The following UNC80 variants were observed in gnomAD, a reference collection of about 807,000 sequenced individuals.
The protein encoded by UNC80 is protein unc-80 homolog.
UNC80 carries 164 observed loss-of-function variants against 384.6 expected under a neutral mutation model. That is an observed-to-expected ratio of 0.43 (90% CI 0.38 to 0.49). The LOEUF is 0.49. Ranked by LOEUF, UNC80 falls within the 20% of genes least tolerant of loss-of-function variation. The probability of loss-of-function intolerance (pLI) is 0.00; values close to 1 mark genes in which losing one functional copy is unlikely to be tolerated. For missense variants in UNC80, 3,330 were observed against 4,143.0 expected, an observed-to-expected ratio of 0.80 and a Z score of 5.39; for synonymous variants, 1,486 against 1,527.8, an observed-to-expected ratio of 0.97 and a Z score of 0.64.
chr2:209,807,356 C>G (rs1290679350), intron 7 of UNC80, among the ~76,000 whole-genome samples: 1 of 138,898 alleles, frequency 7.2e-6, no homozygotes, highest in Non-Finnish European at 1.5e-5. Context: ...AGAAGCTTCC[C>G]TCATGTCATT....
intron 23 of UNC80, among the ~76,000 whole-genome samples, chr2:209,876,348 C>A (rs1450974742): frequency 6.6e-6 from 1 of 152,120 alleles, no homozygotes; most frequent in Non-Finnish European, 1.5e-5. Context: ...ACTTTATGTT[C>A]TATTTAAAAC....
rs140420763 is a variant in UNC80, at chr2:209,878,706, C to G, written c.3976+617C>G. Among the ~76,000 whole-genome samples, 589 of 152,308 alleles carry G rather than the reference C, an allele frequency of 3.9e-3. 3 individuals carry two copies. Among genetic ancestry groups the G allele is most frequent in the African/African-American group, 0.012 (503 of 41,578 alleles). On this transcript the variant is annotated intron_variant, in intron 24 of 64. Transcript: ENST00000673920. ...TTCCTATTACATCCTTCTTCAACAT[C>G]ATTTTGTGCATACGTGTGTTCTATA...
chr2:209,852,150 A>G lies in UNC80; in HGVS notation c.3627+2527A>G, dbSNP rs531690469. Among the ~76,000 whole-genome samples, 146 of 152,166 alleles carry G rather than the reference A, an allele frequency of 9.6e-4. 1 individual carries two copies. In the Middle Eastern group the frequency reaches 0.02, roughly 21 times the overall value. On this transcript the variant is annotated intron_variant, in intron 22 of 64. Coordinates refer to ENST00000673920, the MANE Select transcript of UNC80 (RefSeq NM_001371986.1). Reference sequence around the variant, plus strand: ...AATGAGGTCTTTGCCACTAGACTGGATCCAGTAGGGGTGAATGTACAGGAG... The same window carrying G: ...AATGAGGTCTTTGCCACTAGACTGGGTCCAGTAGGGGTGAATGTACAGGAG...
intron 20 of UNC80, among the ~76,000 whole-genome samples, chr2:209,841,586 G>A (rs949812378): frequency 2.0e-5 from 3 of 152,128 alleles, no homozygotes; most frequent in Admixed American, 1.3e-4. Flanking sequence ...TCTTGATCTC[G>A]TGATCCACCT....
At position 209,930,950 on chromosome 2, in the gene UNC80, A is replaced by G. The variant is rs1338033185; in HGVS notation, c.5908-18A>G. 2 of 1,519,434 alleles carry G rather than the reference A, an allele frequency of 1.3e-6. No homozygotes were observed. The highest frequency in any genetic ancestry group is 4.1e-5 in the Admixed American group (2 of 48,856). The allele number at this position is 1,519,434 out of a possible 1,614,324, so 94.1% of individuals were successfully genotyped here. On this transcript the variant is annotated intron_variant, in intron 37 of 64. Transcript: ENST00000673920. Reference sequence around the variant, plus strand: ...ATGGCAGCTGAAGGAAACATTAAAAATTCTGTTCTTCTTTCAGGATGAGTT... The same window carrying G: ...ATGGCAGCTGAAGGAAACATTAAAAGTTCTGTTCTTCTTTCAGGATGAGTT...
chr2:209,911,999 C>A (rs913112882), intron 29 of UNC80, among the ~76,000 whole-genome samples: 1 of 152,162 alleles, frequency 6.6e-6, no homozygotes, highest in Non-Finnish European at 1.5e-5. Context: ...ACAACTCAGT[C>A]CTTGATAATG....
chr2:209,848,663 A>G (rs917073496), intron 21 of UNC80, among the ~76,000 whole-genome samples: 1 of 152,170 alleles, frequency 6.6e-6, no homozygotes, highest in Non-Finnish European at 1.5e-5. Flanking sequence ...AAAGTTGTAG[A>G]CCAAGATTGG....
At chr2:209,943,605 G>A (rs1272366656) in intron 45 of UNC80, 91 bp downstream of exon 45, 21 of 1,441,176 alleles carry the variant, frequency 1.5e-5, no homozygotes, top group Non-Finnish European at 2.0e-5. Flanking sequence ...CAAGGGAGTT[G>A]GCTACCATCA....
Position 209,995,541 on chromosome 2 carries a change from T to C in UNC80, c.9921T>C (p.Phe3307=). ...CGCTACTATCTAGTCAGTTCACCTT[T>C]ACTCCCACTGAGCTGGGGAAAACGG... ...ENPLLSSQFT[F]TPTELGKTDA... Residue 3307 remains phenylalanine (F), a synonymous_variant, in exon 65 of 65, where the codon TTT becomes TTC. Transcript: ENST00000673920. 5 of 1,552,070 alleles carry C rather than the reference T, an allele frequency of 3.2e-6. No homozygotes were observed. The highest frequency in any genetic ancestry group is 4.4e-6 in the Non-Finnish European group (5 of 1,147,074).
At position 209,815,247 on chromosome 2, in the gene UNC80, C is replaced by A. The variant is rs1237127801; in HGVS notation, c.1201-10C>A. ...TCCTAAGTCCTTGATCACTGTCTAC[C>A]TTTATTAAGGATCTCACCATGAAGT... On this transcript the variant is annotated splice_polypyrimidine_tract_variant and intron_variant, in intron 8 of 64. Transcript: ENST00000673920. 8 of 1,550,856 alleles carry A rather than the reference C, an allele frequency of 5.2e-6. No homozygotes were observed. The East Asian group carries it at 1.5e-4, about 28-fold the overall frequency.
chr2:209,796,853 GA>G (rs1559105513), intron 7 of UNC80, among the ~76,000 whole-genome samples: 1 of 152,052 alleles, frequency 6.6e-6, no homozygotes, highest in East Asian at 1.9e-4. Flanking sequence ...GCGTGAAAAC[GA>G]ACTAATACAC....
In UNC80 at chr2:209,813,609, G is replaced by A. The variant is rs1221993373; in HGVS notation, c.968G>A (p.Arg323Lys). 2 of 1,551,734 alleles carry A rather than the reference G, an allele frequency of 1.3e-6. No individual in the cohort carries two copies. Among genetic ancestry groups the A allele is most frequent in the East Asian group, 4.9e-5 (2 of 40,908 alleles). Residue 323 changes from arginine (R) to lysine (K), a missense_variant, in exon 8 of 65, where the codon AGG becomes AAG. Transcript: ENST00000673920. ...RASLVIPPCQRSRYATYFDVA... is the reference protein window; with the variant it reads ...RASLVIPPCQKSRYATYFDVA... ...TCTCTTGTGATACCTCCGTGCCAAA[G>A]GTCCCGCTATGCCACCTACTTTGAC...
chr2:209,917,211 T>G (rs1336848119), intron 31 of UNC80, among the ~76,000 whole-genome samples: 1 of 152,224 alleles, frequency 6.6e-6, no homozygotes, highest in Non-Finnish European at 1.5e-5. Flanking sequence ...TTCATTAGCT[T>G]TATAACCTAT....
intron 42 of UNC80, among the ~76,000 whole-genome samples, chr2:209,937,850 A>G (rs546222218): frequency 1.3e-5 from 2 of 152,312 alleles, no homozygotes; most frequent in African/African-American, 4.8e-5. Context: ...GAGTAGTGTA[A>G]TGATGAATTA....
At chr2:209,884,905 G>T (rs527267138) in intron 25 of UNC80, among the ~76,000 whole-genome samples, 2 of 151,940 alleles carry the variant, frequency 1.3e-5, no homozygotes, top group South Asian at 2.1e-4. Flanking sequence ...TGGTGTGGGG[G>T]TGGGGGTTGG....
chr2:209,915,643 G>A (rs577123339), intron 31 of UNC80, among the ~76,000 whole-genome samples: 4 of 152,260 alleles, frequency 2.6e-5, no homozygotes, highest in African/African-American at 7.2e-5. Context: ...GAGCCATACA[G>A]CAATGTTGTA....
At chr2:209,776,198 T>A (rs2153824597) in intron 3 of UNC80, among the ~76,000 whole-genome samples, 153 bp downstream of exon 3, 1 of 152,356 alleles carries the variant, frequency 6.6e-6, no homozygotes, top group South Asian at 2.1e-4. Flanking sequence ...ACACTTATAC[T>A]CATTATTTTC....
chr2:209,995,241 C>T lies in UNC80; in HGVS notation c.9709-88C>T. ...GGGACTAGCCATCTGATTCCTTTTC[C>T]AATTACCACTAGACAACAACATTTT... On this transcript the variant is annotated intron_variant, in intron 64 of 64. Transcript: ENST00000673920. 3.4e-6 allele frequency: 5 copies of T among 1,480,900 alleles called. No individual in the cohort carries two copies. The African/African-American group carries it at 4.2e-5, about 12-fold the overall frequency. The allele number at this position is 1,480,900 out of a possible 1,614,324, so 91.7% of individuals were successfully genotyped here. A position where few individuals can be genotyped will look rare whatever the true frequency, so the allele number is the denominator to read the frequency against.
chr2:209,978,889 C>T (rs1449244607), intron 59 of UNC80, among the ~76,000 whole-genome samples, 181 bp downstream of exon 59: 3 of 152,148 alleles, frequency 2.0e-5, no homozygotes, highest in Admixed American at 6.5e-5. Context: ...TCTATAAATT[C>T]CTTGATACCC....
Sources: gnomAD v4.1 joint callset for allele counts (sites outside exome capture counted in the v4.1 genomes callset) on GRCh38, gnomAD v4.1.1 for gene constraint, MANE v1.5 for transcripts, NCBI Gene and HGNC (gene_info 2026-07-23, HGNC 2026-07-21) for gene names.